Variants in NR3C1 observed in about 807,000 individuals in gnomAD.
NR3C1 encodes glucocorticoid receptor.
A neutral mutation model predicts 74.0 loss-of-function variants in NR3C1; 14 were observed. That is an observed-to-expected ratio of 0.19 (90% confidence interval 0.12 to 0.30). The LOEUF (loss-of-function observed/expected upper bound fraction) is 0.30, where lower values mean the gene tolerates loss of function less well. Ranked by LOEUF, NR3C1 falls within the 10% of genes least tolerant of loss-of-function variation. The pLI is 1.00. For synonymous variants in NR3C1, 308 were observed against 332.5 expected (o/e 0.93, Z 0.80); for missense variants, 695 against 909.8 (o/e 0.76, Z 3.04).
chr5:143,311,209 C>T (rs1037878166), intron 3 of NR3C1, among the ~76,000 whole-genome samples: 4 of 151,978 alleles, frequency 2.6e-5, no homozygotes, highest in South Asian at 2.1e-4. Context: ...ATCAAAAGTA[C>T]GATCAACAGA....
At position 143,359,850 on chromosome 5, in the gene NR3C1, A is replaced by G. The variant is rs557993840; in HGVS notation, c.1184+39806T>C. On this transcript the variant is annotated intron_variant, in intron 2 of 8. Coordinates refer to ENST00000394464, the MANE Select transcript of NR3C1 (RefSeq NM_000176.3). ...GGAGAATCACTTGAACCCAGGAGGC[A>G]GAGGTTGCAGTGAGCTGAGATCACC... 5.3e-5 allele frequency among the ~76,000 whole-genome samples: 8 copies of G among 152,320 alleles called. No individual in the cohort carries two copies. In the East Asian group the frequency reaches 1.3e-3, roughly 26 times the overall value.
rs569095193 is a variant in NR3C1 at position 143,293,992 on chromosome 5, C to T, written c.2023+1468G>A. ...TTAATCACTTCTTTAACAAGTGTAC[C>T]GCTACAGGTAACATTAAACGTCTCT... On this transcript the variant is annotated intron_variant, in intron 7 of 8. Transcript: ENST00000394464. The T allele has an allele frequency of 3.0e-3, 2,921 of 985,000 alleles. 6 individuals carry two copies. The highest frequency in any genetic ancestry group is 3.4e-3 in the Non-Finnish European group (2,796 of 829,836). The allele number at this position is 985,000 out of a possible 1,614,324, so 61.0% of individuals were successfully genotyped here.
chr5:143,425,601 G>C (rs1751488422), intron 1 of NR3C1, among the ~76,000 whole-genome samples: 1 of 152,058 alleles, frequency 6.6e-6, no homozygotes, highest in Admixed American at 6.6e-5. Context: ...TGTGCAACTA[G>C]CCAATAAGCA....
chr5:143,411,275 G>A (rs1407459702), intron 1 of NR3C1, among the ~76,000 whole-genome samples: 1 of 152,202 alleles, frequency 6.6e-6, no homozygotes, highest in East Asian at 1.9e-4. Flanking sequence ...GACTGACAGA[G>A]TAGAAGAAAT....
intron 2 of NR3C1, among the ~76,000 whole-genome samples, chr5:143,382,855 T>C (rs1007023933): frequency 6.6e-6 from 1 of 152,230 alleles, no homozygotes; most frequent in Non-Finnish European, 1.5e-5. Flanking sequence ...CTGGGGTGTA[T>C]GCTGACATGA....
chr5:143,400,483 T>C lies in NR3C1; in HGVS notation c.357A>G (p.Leu119=). 1 of 1,614,246 alleles carries C rather than the reference T, an allele frequency of 6.2e-7. No individual in the cohort carries two copies. Among genetic ancestry groups the C allele is most frequent in the African/African-American group, 1.3e-5 (1 of 75,060 alleles). The change falls in exon 2 of 9, where the codon TTA becomes TTG. Residue 119 remains leucine, a synonymous_variant. Coordinates refer to ENST00000394464, the MANE Select transcript of NR3C1 (RefSeq NM_000176.3). The part of the protein sequence containing the change: ...QISLSSGETD[L]KLLEESIANL... ...TTGCAATGCTTTCTTCCAAAAGCTT[T>C]AAGTCTGTTTCCCCCGAGGAAAGGC... is the stretch of plus-strand genomic sequence containing the variant.
At chr5:143,306,342 G>T (rs752551725) in intron 4 of NR3C1, among the ~76,000 whole-genome samples, 32 of 149,726 alleles carry the variant, frequency 2.1e-4, no homozygotes, top group Non-Finnish European at 4.5e-4. Flanking sequence ...ATGAACAAGA[G>T]AATATTTCTG....
intron 2 of NR3C1, among the ~76,000 whole-genome samples, chr5:143,340,526 A>G (rs1292651488): frequency 8.5e-6 from 1 of 118,056 alleles, no homozygotes; most frequent in African/African-American, 3.4e-5. Context: ...TCTGTCGCCC[A>G]GGCTGGAGTC....
At chr5:143,303,409 C>T (rs559348019) in intron 4 of NR3C1, among the ~76,000 whole-genome samples, 5 of 151,958 alleles carry the variant, frequency 3.3e-5, no homozygotes, top group Non-Finnish European at 7.4e-5. Flanking sequence ...AGACCAATAA[C>T]GAGTTCTGAA....
At chr5:143,305,691 C>T (rs1819444913) in intron 4 of NR3C1, among the ~76,000 whole-genome samples, 1 of 151,962 alleles carries the variant, frequency 6.6e-6, no homozygotes, top group African/African-American at 2.4e-5. Flanking sequence ...ACATTGAGTA[C>T]ACATAGACAT....
intron 2 of NR3C1, among the ~76,000 whole-genome samples, chr5:143,343,240 T>C (rs1828584434): frequency 6.6e-6 from 1 of 152,222 alleles, no homozygotes; most frequent in Admixed American, 6.5e-5. Context: ...TCCAGATATC[T>C]TTCTATCACC....
intron 2 of NR3C1, among the ~76,000 whole-genome samples, chr5:143,384,920 C>T (rs1836911023): frequency 6.6e-6 from 1 of 152,256 alleles, no homozygotes; most frequent in Non-Finnish European, 1.5e-5. Flanking sequence ...ATCTCCTCTG[C>T]ACTGCCCTAG....
chr5:143,332,870 C>T, intron 2 of NR3C1: 2 of 1,460,756 alleles, frequency 1.4e-6, no homozygotes, highest in South Asian at 1.1e-5. Flanking sequence ...TAAAAGTTAC[C>T]CCCTAGAATC....
At chr5:143,360,818 TC>T (rs1388515438) in intron 2 of NR3C1, among the ~76,000 whole-genome samples, 1 of 152,152 alleles carries the variant, frequency 6.6e-6, no homozygotes, top group African/African-American at 2.4e-5. Context: ...CAGAGTGACC[TC>T]CAAGTTAGAT....
Position 143,279,852 on chromosome 5 carries a change from T to C in NR3C1, c.*2037A>G, listed in dbSNP as rs1452987420. 1.3e-5 allele frequency: 2 copies of C among 159,542 alleles called. No homozygotes were observed. The highest frequency in any genetic ancestry group is 6.5e-5 in the Admixed American group (1 of 15,314). The allele number at this position is 159,542 out of a possible 1,614,324, so 9.9% of individuals were successfully genotyped here. On this transcript the variant is annotated 3_prime_UTR_variant, in exon 9 of 9. Transcript: ENST00000394464. Reference sequence around the variant, plus strand: ...GCTGTATGTGAAAGTAACCCGCTATTAGATGGTGCCTTTAAGGATGTAAGC... The same window carrying C: ...GCTGTATGTGAAAGTAACCCGCTATCAGATGGTGCCTTTAAGGATGTAAGC...
intron 2 of NR3C1, among the ~76,000 whole-genome samples, chr5:143,352,003 A>G (rs1830314569): frequency 6.6e-6 from 1 of 152,236 alleles, no homozygotes; most frequent in Admixed American, 6.5e-5. Context: ...AGATGACCTA[A>G]TAATAGATGA....
chr5:143,299,009 T>G (rs1357796219), intron 5 of NR3C1, among the ~76,000 whole-genome samples, 197 bp from the exon 6 acceptor site: 11 of 146,552 alleles, frequency 7.5e-5, no homozygotes, highest in Admixed American at 6.0e-4. Flanking sequence ...TCTTGTGTTT[T>G]TTTTTTTTTT....
chr5:143,366,778 C>G (rs1419755305), intron 2 of NR3C1, among the ~76,000 whole-genome samples: 1 of 152,106 alleles, frequency 6.6e-6, no homozygotes, highest in Non-Finnish European at 1.5e-5. Context: ...TCTGAATGGA[C>G]TTATAACAAA....
chr5:143,404,030 AG>A (rs1840858695), upstream of NR3C1: 2 of 985,100 alleles, frequency 2.0e-6, no homozygotes, highest in Non-Finnish European at 2.4e-6. Context: ...GAGTTTCTCC[AG>A]TTTCTTTTCT....
Sources: gnomAD v4.1 joint callset for allele counts (sites outside exome capture counted in the v4.1 genomes callset) on GRCh38, gnomAD v4.1.1 for gene constraint, MANE v1.5 for transcripts, NCBI Gene and HGNC (gene_info 2026-07-23, HGNC 2026-07-21) for gene names.